LRRC7: variants seen among roughly 807,000 people sequenced by gnomAD.
The protein encoded by LRRC7 is leucine rich repeat containing 7, also known as leucine-rich repeat-containing protein 7.
A neutral mutation model predicts 175.7 loss-of-function variants in LRRC7; 23 were observed. That is an observed-to-expected ratio of 0.13 (90% CI 0.09 to 0.19). The LOEUF (loss-of-function observed/expected upper bound fraction) is 0.19. LRRC7 is among the 10% of genes least tolerant of loss of function. The pLI is 1.00. For synonymous variants in LRRC7, 685 were observed against 680.9 expected (o/e 1.01, Z -0.09); for missense variants, 1,354 against 1,904.7 (o/e 0.71, Z 5.38).
intron 3 of LRRC7, among the ~76,000 whole-genome samples, chr1:69,770,328 T>C (rs976589949): frequency 6.6e-6 from 1 of 152,234 alleles, no homozygotes; most frequent in Non-Finnish European, 1.5e-5. Context: ...ACTTAAGATG[T>C]ATTAGTTCAA....
chr1:70,027,004 T>C (rs546011906), intron 17 of LRRC7, among the ~76,000 whole-genome samples: 32 of 152,054 alleles, frequency 2.1e-4, no homozygotes, highest in Non-Finnish European at 4.6e-4. Flanking sequence ...ATTACATGGG[T>C]GTGTGGGGGT....
chr1:69,667,794 T>A (rs931950241), intron 1 of LRRC7, among the ~76,000 whole-genome samples: 19 of 152,294 alleles, frequency 1.2e-4, no homozygotes, highest in African/African-American at 4.3e-4. Context: ...GTTTAGTCTA[T>A]TTATATTCAA....
At chr1:69,943,709 G>A (rs998671323) in intron 8 of LRRC7, among the ~76,000 whole-genome samples, 1 of 151,996 alleles carries the variant, frequency 6.6e-6, no homozygotes, top group African/African-American at 2.4e-5. Context: ...GATCTAGAAA[G>A]GAATTCATGC....
intron 2 of LRRC7, among the ~76,000 whole-genome samples, chr1:69,726,259 A>C (rs548762755): frequency 1.3e-5 from 2 of 152,184 alleles, no homozygotes; most frequent in Non-Finnish European, 2.9e-5. Flanking sequence ...TTGAAGGGCC[A>C]TTCTATTTCT....
intron 3 of LRRC7, among the ~76,000 whole-genome samples, chr1:69,782,535 GT>G (rs1673885456): frequency 6.6e-6 from 1 of 152,176 alleles, no homozygotes; most frequent in Non-Finnish European, 1.5e-5. Flanking sequence ...GAGTACACAG[GT>G]GCAGAAACAC....
chr1:69,625,350 C>T (rs1047586048), intron 1 of LRRC7, among the ~76,000 whole-genome samples: 9 of 92,482 alleles, frequency 9.7e-5, no homozygotes, highest in Non-Finnish European at 1.9e-4. Context: ...GATATTTATA[C>T]CTCCACTATT....
At chr1:69,727,384 A>C (rs185645861) in intron 2 of LRRC7, among the ~76,000 whole-genome samples, 284 of 152,234 alleles carry the variant, frequency 1.9e-3, no homozygotes, top group Middle Eastern at 3.4e-3. Flanking sequence ...CTCTCTTCCA[A>C]ATTTTCCCCG....
intron 7 of LRRC7, among the ~76,000 whole-genome samples, chr1:69,843,569 G>A (rs1681983515): frequency 6.6e-6 from 1 of 151,916 alleles, no homozygotes; most frequent in African/African-American, 2.4e-5. Context: ...TATCCCTTGG[G>A]CATCATTGCT....
intron 2 of LRRC7, among the ~76,000 whole-genome samples, chr1:69,712,561 C>A (rs893143524): frequency 3.2e-4 from 49 of 152,212 alleles, no homozygotes; most frequent in African/African-American, 1.1e-3. Context: ...GCCAAGATTG[C>A]GCCATTGCAC....
chr1:69,662,113 T>C (rs1657555560), intron 1 of LRRC7, among the ~76,000 whole-genome samples: 1 of 152,066 alleles, frequency 6.6e-6, no homozygotes, highest in Non-Finnish European at 1.5e-5. Context: ...ATTGGACAAG[T>C]GGGTCTTAAT....
At chr1:69,639,540 C>T (rs772089783) in intron 1 of LRRC7, among the ~76,000 whole-genome samples, 86 of 151,782 alleles carry the variant, frequency 5.7e-4, no homozygotes, top group Non-Finnish European at 1.2e-3. Context: ...AATGTTGATT[C>T]TGTGAAGACA....
intron 6 of LRRC7, among the ~76,000 whole-genome samples, chr1:69,836,374 T>A (rs1324548853): frequency 2.0e-5 from 3 of 152,050 alleles, no homozygotes; most frequent in Non-Finnish European, 2.9e-5. Context: ...GCCTTGCCTT[T>A]CTGGTACTGA....
intron 7 of LRRC7, among the ~76,000 whole-genome samples, chr1:69,865,616 G>A (rs1036717567): frequency 6.6e-6 from 1 of 151,338 alleles, no homozygotes; most frequent in African/African-American, 2.4e-5. Context: ...GAGTGGCTGG[G>A]ACTACAGGCG....
At chr1:69,819,324 T>C (rs1678959611) in intron 4 of LRRC7, among the ~76,000 whole-genome samples, 1 of 152,098 alleles carries the variant, frequency 6.6e-6, no homozygotes, top group Non-Finnish European at 1.5e-5. Flanking sequence ...GACCTAATGG[T>C]TGCTCAGGAT....
At chr1:69,781,860 A>AGAAG (rs145369413) in intron 3 of LRRC7, among the ~76,000 whole-genome samples, 40,246 of 107,758 alleles carry the variant, frequency 0.37, 9,228 homozygotes, top group East Asian at 0.54. Context: ...AGAAAGAAAG[A>AGAAG]GAAGGAAGGA....
At chr1:69,634,689 T>C (rs769251930) in intron 1 of LRRC7, among the ~76,000 whole-genome samples, 10 of 152,240 alleles carry the variant, frequency 6.6e-5, no homozygotes, top group Non-Finnish European at 1.2e-4. Context: ...AGCTTTGAGC[T>C]CTGGTTGTAT....
At chr1:70,023,482 A>G (rs1657738278) in intron 17 of LRRC7, 108 bp downstream of exon 17, 1 of 1,164,042 alleles carries the variant, frequency 8.6e-7, no homozygotes, top group Non-Finnish European at 1.1e-6. Flanking sequence ...TGTTGATCAC[A>G]TAGAAACCTT....
chr1:69,600,601 T>C (rs980525555), intron 1 of LRRC7, among the ~76,000 whole-genome samples: 2 of 152,142 alleles, frequency 1.3e-5, no homozygotes, highest in Non-Finnish European at 2.9e-5. Flanking sequence ...CTACTTTGTC[T>C]ATTGTATAGC....
At chr1:69,913,213 G>A (rs1646585552) in intron 7 of LRRC7, among the ~76,000 whole-genome samples, 2 of 152,026 alleles carry the variant, frequency 1.3e-5, no homozygotes, top group Admixed American at 1.3e-4. Flanking sequence ...AAAAAATTAG[G>A]TCTTTCCAAT....
Sources: allele counts gnomAD v4.1 joint callset (sites outside exome capture counted in the v4.1 genomes callset), GRCh38; gene constraint gnomAD v4.1.1; transcripts MANE v1.5; gene names NCBI Gene and HGNC (gene_info 2026-07-23, HGNC 2026-07-21).